The following PEMT variants were observed in gnomAD, a reference collection of about 807,000 sequenced individuals.
The protein encoded by PEMT is phosphatidylethanolamine N-methyltransferase.
A neutral mutation model predicts 27.4 loss-of-function variants in PEMT; 23 were observed. That is an observed-to-expected ratio of 0.84 (90% CI 0.60 to 1.19). PEMT has a LOEUF of 1.19. Ranked by LOEUF, PEMT falls within the 50% of genes most tolerant of loss-of-function variation. The pLI is 0.00. For synonymous variants in PEMT, 137 were observed against 139.1 expected (o/e 0.98, Z 0.11); for missense variants, 307 against 310.1 (o/e 0.99, Z 0.07).
At chr17:17,526,352 C>G (rs940970790) in intron 2 of PEMT, among the ~76,000 whole-genome samples, 1 of 152,178 alleles carries the variant, frequency 6.6e-6, no homozygotes, top group African/African-American at 2.4e-5. Context: ...CGCCAAAAGC[C>G]GACAGCACTT....
intron 2 of PEMT, among the ~76,000 whole-genome samples, chr17:17,543,245 G>T (rs1251626532): frequency 6.6e-6 from 1 of 152,254 alleles, no homozygotes; most frequent in Admixed American, 6.5e-5. Flanking sequence ...TTCTTCCCAA[G>T]TGCGACCATG....
intron 1 of PEMT, among the ~76,000 whole-genome samples, chr17:17,586,198 GAAAGAAAGAAAGAAAGAA>G (rs1912243404): frequency 8.4e-6 from 1 of 118,742 alleles, no homozygotes; most frequent in Non-Finnish European, 1.7e-5. Flanking sequence ...AAGAAGGAAG[GAAAGAAAGAAAGAAAGAA>G]AAAGAAAGAA....
rs1567692789 is a variant in PEMT, at chr17:17,534,057, AC to A, written c.205-11663del. ...GGCAGTCTCTTGAAGTGTTATGCAC[AC>A]ACCTACCACCACATGACCCAGCCAT... is the stretch of plus-strand genomic sequence containing the variant. On this transcript the variant is annotated intron_variant, in intron 2 of 6. Transcript: ENST00000255389. Among the ~76,000 whole-genome samples, 3 of 152,260 alleles carry A rather than the reference AC, an allele frequency of 2.0e-5. No individual in the cohort carries two copies. The East Asian group carries it at 5.8e-4, about 29-fold the overall frequency.
intron 2 of PEMT, among the ~76,000 whole-genome samples, chr17:17,564,225 T>C (rs1308156344): frequency 6.6e-6 from 1 of 152,172 alleles, no homozygotes. Context: ...TTCCCACCAA[T>C]GGCTCTTACC....
intron 2 of PEMT, among the ~76,000 whole-genome samples, chr17:17,527,969 C>T (rs1336758946): frequency 2.0e-5 from 3 of 152,106 alleles, no homozygotes; most frequent in Admixed American, 6.5e-5. Context: ...ACAGCCAGGA[C>T]CCCCCCACCA....
At chr17:17,518,774 G>T (rs1597880486) in intron 3 of PEMT, among the ~76,000 whole-genome samples, 1 of 152,282 alleles carries the variant, frequency 6.6e-6, no homozygotes, top group East Asian at 1.9e-4. Flanking sequence ...CTCCCATGGA[G>T]AACGATGCCA....
At chr17:17,565,606 T>C (rs1222073197) in intron 2 of PEMT, among the ~76,000 whole-genome samples, 1 of 152,240 alleles carries the variant, frequency 6.6e-6, no homozygotes, top group Non-Finnish European at 1.5e-5. Context: ...TGATGAACCC[T>C]GGCAGCAGCA....
intron 1 of PEMT, among the ~76,000 whole-genome samples, chr17:17,588,350 C>G (rs904342862): frequency 1.4e-4 from 22 of 152,122 alleles, no homozygotes; most frequent in African/African-American, 5.1e-4. Flanking sequence ...AGTCAAGATA[C>G]CCCGCATCGG....
At position 17,582,303 on chromosome 17, in the gene PEMT, C is replaced by T. The variant is rs555914963; in HGVS notation, c.97-5276G>A. Reference sequence around the variant, plus strand: ...GGTCTGCTGAGCTGCAGGAATAGCTCGAGTCCCACAGGTCACCGACGAATA... The same window carrying T: ...GGTCTGCTGAGCTGCAGGAATAGCTTGAGTCCCACAGGTCACCGACGAATA... On this transcript the variant is annotated intron_variant, in intron 1 of 6. Coordinates refer to ENST00000255389, the MANE Select transcript of PEMT (RefSeq NM_148172.3). This position sits in a 1 kb window ranked among gnomAD's most constrained non-coding sequence, Gnocchi z 4.9. 30 of 985,500 alleles carry T rather than the reference C, an allele frequency of 3.0e-5. No homozygotes were observed. The highest frequency in any genetic ancestry group is 2.8e-4 in the African/African-American group (16 of 57,360). The allele number at this position is 985,500 out of a possible 1,614,324, so 61.0% of individuals were successfully genotyped here.
chr17:17,524,054 C>T (rs931914128), intron 2 of PEMT, among the ~76,000 whole-genome samples: 1 of 152,224 alleles, frequency 6.6e-6, no homozygotes, highest in Non-Finnish European at 1.5e-5. Context: ...CTTTATGTAA[C>T]GTTCTCAAGG....
intron 3 of PEMT, among the ~76,000 whole-genome samples, chr17:17,514,088 C>T (rs1246438928): frequency 6.6e-6 from 1 of 152,188 alleles, no homozygotes; most frequent in Non-Finnish European, 1.5e-5. Flanking sequence ...TATCTGCCCA[C>T]ACAACCATCC....
intron 2 of PEMT, among the ~76,000 whole-genome samples, chr17:17,534,134 CT>C (rs1458261802): frequency 6.6e-6 from 1 of 152,160 alleles, no homozygotes; most frequent in Non-Finnish European, 1.5e-5. Context: ...TCCAGGCAGA[CT>C]TGAACATGGA....
rs1208062793 is a variant in PEMT, at chr17:17,584,252, C to T, written c.97-7225G>A. 5.3e-5 allele frequency among the ~76,000 whole-genome samples: 8 copies of T among 152,264 alleles called. No homozygotes were observed. The East Asian group carries it at 9.6e-4, about 18-fold the overall frequency. On this transcript the variant is annotated intron_variant, in intron 1 of 6. Transcript: ENST00000255389. Reference sequence around the variant, plus strand: ...TCTGCTCACTGCAAGCTCCACCTCCCGGGTTCACGCCATTCTCCTGCCTCA... The same window carrying T: ...TCTGCTCACTGCAAGCTCCACCTCCTGGGTTCACGCCATTCTCCTGCCTCA...
chr17:17,509,615 C>T (rs1906197777), intron 4 of PEMT, 70 bp from the exon 5 acceptor site: 3 of 1,110,300 alleles, frequency 2.7e-6, no homozygotes, highest in Non-Finnish European at 2.8e-6. Flanking sequence ...TGAGGGAGGC[C>T]CCAGAGCGGG....
rs553608018 is a variant in PEMT, at chr17:17,544,063, G to T, written c.205-21668C>A. 5.3e-5 allele frequency among the ~76,000 whole-genome samples: 8 copies of T among 152,170 alleles called. No homozygotes were observed. The South Asian group carries it at 1.2e-3, about 24-fold the overall frequency. ...ACTGGCAGCTTAGAGGGCAGACGTG[G>T]TCGGTGAGGGGGGCACTGGACGGGG... On this transcript the variant is annotated intron_variant, in intron 2 of 6. Transcript: ENST00000255389.
At chr17:17,520,199 C>T (rs1045914777) in intron 3 of PEMT, among the ~76,000 whole-genome samples, 20 of 152,264 alleles carry the variant, frequency 1.3e-4, no homozygotes, top group Admixed American at 1.2e-3. Context: ...AGGGCACAGA[C>T]CCCTGACTGT....
chr17:17,506,999 CG>C (rs1479694115), intron 5 of PEMT: 7 of 670,780 alleles, frequency 1.0e-5, no homozygotes, highest in African/African-American at 3.6e-5. Context: ...GGCCCAAGGC[CG>C]GATGGAGCAT....
intron 1 of PEMT, chr17:17,577,532 G>T: frequency 3.0e-6 from 3 of 993,322 alleles, no homozygotes; most frequent in Non-Finnish European, 3.6e-6. Flanking sequence ...AACTGAAAAA[G>T]TGTGTGCCCA....
chr17:17,563,395 C>T (rs1910621838), intron 2 of PEMT, among the ~76,000 whole-genome samples: 1 of 152,058 alleles, frequency 6.6e-6, no homozygotes. Context: ...CGCAGGGGCC[C>T]CCTCTCAGCC....
Sources: allele counts gnomAD v4.1 joint callset (sites outside exome capture counted in the v4.1 genomes callset), GRCh38; gene constraint gnomAD v4.1.1; non-coding constraint Gnocchi (gnomAD v3.1); transcripts MANE v1.5; gene names NCBI Gene and HGNC (gene_info 2026-07-23, HGNC 2026-07-21).